EP300: variants seen among roughly 807,000 people sequenced by gnomAD.
EP300 encodes the protein histone acetyltransferase p300.
Under a neutral mutation model 264.0 loss-of-function variants are expected in EP300, and 31 were observed. The ratio of observed to expected loss-of-function variants is 0.12; its 90% CI spans 0.09 to 0.16. EP300 has a LOEUF of 0.16. Ranked by LOEUF, EP300 falls within the 10% of genes least tolerant of loss-of-function variation. EP300 has a pLI of 1.00. For missense variants in EP300, 2,766 were observed against 3,052.9 expected (o/e 0.91, Z 2.21); for synonymous variants, 1,340 against 1,045.4 (o/e 1.28, Z -5.44).
chr22:41,179,234 G>C lies in EP300; in HGVS notation c.*278G>C, dbSNP rs535227210. 2.3e-6 allele frequency: 1 copy of C among 442,092 alleles called. No individual in the cohort carries two copies. The highest frequency in any genetic ancestry group is 3.7e-5 in the East Asian group (1 of 26,824). 27.4% of individuals were successfully genotyped at this position (442,092 alleles called of 1,614,324 possible). On this transcript the variant is annotated 3_prime_UTR_variant, in exon 31 of 31. Transcript: ENST00000263253. ...CAAGTGTGCACTGGGAGGAGGCTGA[G>C]GCCTGTGAAGCCAAACAATATGCTC...
intron 2 of EP300, among the ~76,000 whole-genome samples, chr22:41,123,488 A>G (rs1438656196): frequency 6.6e-6 from 1 of 152,188 alleles, no homozygotes; most frequent in Non-Finnish European, 1.5e-5. Context: ...CAGTCTGTAC[A>G]AGCACTGTGA....
At position 41,149,045 on chromosome 22, in the gene EP300, G is replaced by C. The variant is rs1433543827; in HGVS notation, c.2249G>C (p.Gly750Ala). Reference sequence around the variant, plus strand: ...GTTTTTTTTTTTTTTCAGCCTATGGGCTATGGGCCTCGTATGCAACAGCCT... The same window carrying C: ...GTTTTTTTTTTTTTTCAGCCTATGGCCTATGGGCCTCGTATGCAACAGCCT... Reference protein sequence around the residue: ...AQPGALNPPMGYGPRMQQPSN... With the variant: ...AQPGALNPPMAYGPRMQQPSN... The change falls in exon 13 of 31, where the codon GGC (glycine) becomes GCC (alanine). Residue 750 changes from glycine to alanine, a missense_variant. By Grantham distance (60) the Gly-to-Ala change is moderately conservative (BLOSUM62 0). Coordinates refer to ENST00000263253, the MANE Select transcript of EP300 (RefSeq NM_001429.4). 1 of 1,612,900 alleles carries C rather than the reference G, an allele frequency of 6.2e-7. No homozygotes were observed. The highest frequency in any genetic ancestry group is 1.1e-5 in the South Asian group (1 of 91,032).
At chr22:41,124,887 T>C (rs1228559192) in intron 2 of EP300, among the ~76,000 whole-genome samples, 1 of 152,162 alleles carries the variant, frequency 6.6e-6, no homozygotes, top group African/African-American at 2.4e-5. Flanking sequence ...TTAATTTTGA[T>C]CTTAATCTTG....
rs2059049673 is a variant in EP300, at chr22:41,152,146, G to C, written c.2998-60G>C. The C allele has an allele frequency of 7.5e-6, 12 of 1,594,532 alleles. 1 individual carries two copies. The Admixed American group carries it at 2.0e-4, about 27-fold the overall frequency. On this transcript the variant is annotated intron_variant, in intron 15 of 30. Transcript: ENST00000263253. ...GATTTTGCATGAGAAAGGGTGTTCAGATTACTGATTCCCAACTAGATATCT... is the reference window on the plus strand; with the variant it reads ...GATTTTGCATGAGAAAGGGTGTTCACATTACTGATTCCCAACTAGATATCT...
rs2145772094 is a variant in EP300 at position 41,173,725 on chromosome 22, C to T, written c.4720C>T (p.Pro1574Ser). The T allele has an allele frequency of 6.2e-7, 1 of 1,614,150 alleles. No individual in the cohort carries two copies. The highest frequency in any genetic ancestry group is 1.3e-5 in the African/African-American group (1 of 75,032). ...GGGCAACAAGAAGAAACCCGGGATG[C>T]CCAATGTATCTAACGACCTCTCACA... ...SRGNKKKPGMPNVSNDLSQKL... is the reference protein window; with the variant it reads ...SRGNKKKPGMSNVSNDLSQKL... The change falls in exon 29 of 31, where the codon CCC (proline) becomes TCC (serine). Residue 1574 changes from proline (P) to serine (S), a missense_variant. Physicochemically the swap from Pro to Ser is moderately conservative, Grantham distance 74. Transcript: ENST00000263253.
At chr22:41,104,424 G>A (rs1008041252) in intron 1 of EP300, among the ~76,000 whole-genome samples, 1 of 151,834 alleles carries the variant, frequency 6.6e-6, no homozygotes, top group Non-Finnish European at 1.5e-5. Context: ...CAAGTAGCTG[G>A]GATTACAGGC....
intron 6 of EP300, among the ~76,000 whole-genome samples, chr22:41,132,278 C>CT (rs2058924227): frequency 7.8e-6 from 1 of 128,342 alleles, no homozygotes; most frequent in Admixed American, 9.6e-5. Flanking sequence ...GTATGTCATT[C>CT]TTTCATTCTT....
At position 41,149,020 on chromosome 22, in the gene EP300, GTT is replaced by G. The variant is rs747710183; in HGVS notation, c.2242-5_2242-4del. ...ATAATGAAGCAGTTTGGTGATTTGT[GTT>G]TTTTTTTTTTTTCAGCCTATGGGCT... On this transcript the variant is annotated splice_polypyrimidine_tract_variant and intron_variant, in intron 12 of 30. Coordinates refer to ENST00000263253, the MANE Select transcript of EP300 (RefSeq NM_001429.4). 1.3e-4 allele frequency: 185 copies of G among 1,454,950 alleles called. No individual in the cohort carries two copies. Among genetic ancestry groups the G allele is most frequent in the Admixed American group, 2.2e-4 (12 of 53,620 alleles). The allele number at this position is 1,454,950 out of a possible 1,614,324, so 90.1% of individuals were successfully genotyped here. A position where few individuals can be genotyped will look rare whatever the true frequency, so the allele number is the denominator to read the frequency against.
chr22:41,150,479 G>A (rs968846145), intron 14 of EP300, among the ~76,000 whole-genome samples: 1 of 152,246 alleles, frequency 6.6e-6, no homozygotes, highest in Middle Eastern at 3.4e-3. Flanking sequence ...ACGACAAGGG[G>A]ACACAATCCT....
At chr22:41,166,462 G>T in intron 22 of EP300, 137 bp from the exon 23 acceptor site, 2 of 657,414 alleles carry the variant, frequency 3.0e-6, no homozygotes, top group Non-Finnish European at 2.7e-6. Context: ...AAAGCTCTTT[G>T]TGTATTAGTT....
intron 1 of EP300, among the ~76,000 whole-genome samples, chr22:41,106,417 C>T (rs773320489): frequency 5.9e-5 from 9 of 152,060 alleles, no homozygotes; most frequent in Non-Finnish European, 1.3e-4. Context: ...CTGGCCTTGG[C>T]GCTCTGAGTC....
At position 41,131,439 on chromosome 22, in the gene EP300, T is replaced by A. The variant is rs1407415699; in HGVS notation, c.1334T>A (p.Val445Glu). The A allele has an allele frequency of 6.2e-7, 1 of 1,614,118 alleles. No homozygotes were observed. Among genetic ancestry groups the A allele is most frequent in the Admixed American group, 1.7e-5 (1 of 59,998 alleles). Residue 445 changes from valine to glutamate, a missense_variant, in exon 6 of 31, where the codon GTG (valine) becomes GAG (glutamate). Transcript: ENST00000263253. Reference sequence around the variant, plus strand: ...CTTGGAAATCCTAGCTCTCTAGGGGTGGGTCAACAGTCTGCCCCCAACCTA... The same window carrying A: ...CTTGGAAATCCTAGCTCTCTAGGGGAGGGTCAACAGTCTGCCCCCAACCTA... ...VGLGNPSSLGVGQQSAPNLST... is the reference protein window; with the variant it reads ...VGLGNPSSLGEGQQSAPNLST...
At chr22:41,129,514 G>A (rs966862441) in intron 4 of EP300, among the ~76,000 whole-genome samples, 4 of 152,144 alleles carry the variant, frequency 2.6e-5, no homozygotes, top group African/African-American at 9.7e-5. Context: ...ATTTTTACCC[G>A]ATCTAATACA....
intron 2 of EP300, among the ~76,000 whole-genome samples, chr22:41,122,278 G>GC (rs1282350195): frequency 6.8e-6 from 1 of 146,880 alleles, no homozygotes; most frequent in Non-Finnish European, 1.5e-5. Flanking sequence ...TGATTCTCCT[G>GC]CCTCAGTCTC....
At chr22:41,136,037 A>AT in intron 7 of EP300, 131 bp downstream of exon 7, 1 of 769,400 alleles carries the variant, frequency 1.3e-6, no homozygotes, top group South Asian at 1.5e-5. Flanking sequence ...GTTTGAGTCC[A>AT]TTCTTTCTTT....
chr22:41,164,215 T>TTATATCTTCAAAGTTACTA, intron 22 of EP300, 85 bp downstream of exon 22: 2 of 1,192,490 alleles, frequency 1.7e-6, no homozygotes, highest in Non-Finnish European at 2.5e-6. Context: ...ATTGACTGTA[T>TTATATCTTCAAAGTTACTA]TATATCTTCA....
intron 1 of EP300, among the ~76,000 whole-genome samples, chr22:41,111,030 A>G (rs535153649): frequency 5.1e-4 from 77 of 151,196 alleles, no homozygotes; most frequent in East Asian, 2.0e-3. Context: ...CAGTGGTACA[A>G]TCTCTGCTCA....
intron 1 of EP300, among the ~76,000 whole-genome samples, chr22:41,097,443 T>C (rs2058708435): frequency 7.2e-6 from 1 of 139,824 alleles, no homozygotes; most frequent in African/African-American, 3.1e-5. Flanking sequence ...CTCTCTTCTT[T>C]ATTTAATAAA....
rs1263021734 is a variant in EP300 at position 41,127,726 on chromosome 22, C to T, written c.1146C>T (p.Cys382=). ...MKNVLNHMTH[C]QSGKSCQVAH... is the part of the protein sequence containing the mutation. ...ATGTCCTAAACCACATGACACACTG[C>T]CAGTCAGGCAAGTCTTGCCAAGGTA... is the stretch of plus-strand genomic sequence containing the variant. Residue 382 remains cysteine, a synonymous_variant, in exon 4 of 31, where the codon TGC becomes TGT. Coordinates refer to ENST00000263253, the MANE Select transcript of EP300 (RefSeq NM_001429.4). The T allele has an allele frequency of 6.2e-7, 1 of 1,614,212 alleles. No individual in the cohort carries two copies.
Sources: allele counts gnomAD v4.1 joint callset (sites outside exome capture counted in the v4.1 genomes callset), GRCh38; gene constraint gnomAD v4.1.1; transcripts MANE v1.5; gene names NCBI Gene and HGNC (gene_info 2026-07-23, HGNC 2026-07-21).